Variants in ABCA4 observed in about 807,000 individuals in gnomAD.
ABCA4 encodes the protein ATP binding cassette subfamily A member 4.
Under a neutral mutation model 263.7 loss-of-function variants are expected in ABCA4, and 196 were observed. The ratio of observed to expected loss-of-function variants is 0.74; its 90% CI spans 0.66 to 0.84. The LOEUF is 0.84. ABCA4 is among the 40% of genes least tolerant of loss of function. The pLI, the probability that ABCA4 is intolerant of heterozygous loss-of-function variation, is 0.00. For missense variants in ABCA4, 2,792 were observed against 2,855.1 expected, an observed-to-expected ratio of 0.98 and a Z score of 0.50; for synonymous variants, 1,133 against 1,094.2, an observed-to-expected ratio of 1.04 and a Z score of -0.70.
intron 11 of ABCA4, among the ~76,000 whole-genome samples, chr1:94,074,784 TAGAACC>T (rs1203543831): frequency 6.6e-6 from 1 of 152,240 alleles, no homozygotes; most frequent in African/African-American, 2.4e-5. Context: ...CTCAAGGATC[TAGAACC>T]AGAAATACAA....
intron 1 of ABCA4, among the ~76,000 whole-genome samples, chr1:94,116,593 G>A (rs933611282): frequency 6.6e-6 from 1 of 152,074 alleles, no homozygotes; most frequent in African/African-American, 2.4e-5. Flanking sequence ...CATTTCACGC[G>A]TCACTCCCTG....
intron 31 of ABCA4, among the ~76,000 whole-genome samples, chr1:94,023,971 C>T (rs567031438): frequency 6.6e-5 from 10 of 152,332 alleles, no homozygotes; most frequent in East Asian, 1.9e-4. Flanking sequence ...TAAGCACACA[C>T]GCACAAAATC....
At position 94,008,864 on chromosome 1, in the gene ABCA4, C is replaced by T. The variant is rs543742946; in HGVS notation, c.5722G>A (p.Glu1908Lys). The T allele has an allele frequency of 9.3e-6, 15 of 1,612,576 alleles. No individual in the cohort carries two copies. The highest frequency in any genetic ancestry group is 3.3e-4 in the Middle Eastern group (2 of 6,084). The change falls in exon 41 of 50, where the codon GAG becomes AAG. Residue 1908 changes from glutamate to lysine, a missense_variant. Coordinates refer to ENST00000370225, the MANE Select transcript of ABCA4 (RefSeq NM_000350.3). Reference sequence around the variant, plus strand: ...TCAACAATGGGCTCCTTAGTGGGCTCGGCAATCCTAGATGAAGAAAAGGGG... The same window carrying T: ...TCAACAATGGGCTCCTTAGTGGGCTTGGCAATCCTAGATGAAGAAAAGGGG... ...RHFFLSQWIA[E>K]PTKEPIVDED...
At chr1:93,993,834 A>G (rs528993414) in intron 49 of ABCA4, among the ~76,000 whole-genome samples, 3 of 152,246 alleles carry the variant, frequency 2.0e-5, no homozygotes, top group African/African-American at 7.2e-5. Flanking sequence ...TACTGTCTCC[A>G]GTTATAAAGT....
chr1:94,005,464 C>T lies in ABCA4; in HGVS notation c.6124G>A (p.Val2042Ile), dbSNP rs138384263. Residue 2042 changes from valine (V) to isoleucine (I), a missense_variant, in exon 44 of 50, where the codon GTA (valine) becomes ATA (isoleucine). Val to Ile is a conservative substitution (Grantham distance 29). Coordinates refer to ENST00000370225, the MANE Select transcript of ABCA4 (RefSeq NM_000350.3). ...ACCTTTTCGATTTCTTCTGCTGGTA[C>T]ACCTCGAAGCCGGGCATAAAGGTAA... Reference protein sequence around the residue: ...HLYLYARLRGVPAEEIEKVAN... With the variant: ...HLYLYARLRGIPAEEIEKVAN... 80 of 1,614,178 alleles carry T rather than the reference C, an allele frequency of 5.0e-5. No individual in the cohort carries two copies. In the African/African-American group the frequency reaches 7.9e-4, roughly 16 times the overall value.
intron 11 of ABCA4, among the ~76,000 whole-genome samples, chr1:94,067,414 G>A (rs1487390830): frequency 4.6e-5 from 7 of 152,170 alleles, no homozygotes; most frequent in Non-Finnish European, 7.3e-5. Context: ...TCAGGCAGCT[G>A]ATTCATAGTC....
At chr1:94,085,761 T>TG (rs1661810584) in intron 6 of ABCA4, among the ~76,000 whole-genome samples, 2 of 152,204 alleles carry the variant, frequency 1.3e-5, no homozygotes, top group African/African-American at 4.8e-5. Context: ...GCTGCCACAG[T>TG]GGACTTCTTT....
At position 94,078,672 on chromosome 1, in the gene ABCA4, C is replaced by T. The variant is rs1218530733; in HGVS notation, c.1274G>A (p.Arg425Lys). The T allele has an allele frequency of 6.2e-7, 1 of 1,612,318 alleles. No homozygotes were observed. The highest frequency in any genetic ancestry group is 1.3e-5 in the African/African-American group (1 of 74,752). ...NSTFEELEHV[R>K]KLVKAWEEVG... is the part of the protein sequence containing the mutation. ...TTCTTCCCAGGCTTTGACCAACTTCCTAACGTGTTCCAGTTCTTCAAAAGT... is the reference window on the plus strand; with the variant it reads ...TTCTTCCCAGGCTTTGACCAACTTCTTAACGTGTTCCAGTTCTTCAAAAGT... The change falls in exon 10 of 50, where the codon AGG becomes AAG. Residue 425 changes from arginine to lysine, a missense_variant. By Grantham distance (26) the Arg-to-Lys change is conservative (BLOSUM62 2). Transcript: ENST00000370225.
At chr1:94,083,632 A>C (rs1411521789) in intron 6 of ABCA4, among the ~76,000 whole-genome samples, 191 bp from the exon 7 acceptor site, 1 of 152,232 alleles carries the variant, frequency 6.6e-6, no homozygotes, top group Non-Finnish European at 1.5e-5. Context: ...AAAGGCTCTC[A>C]TTCCAAGACT....
intron 30 of ABCA4, among the ~76,000 whole-genome samples, chr1:94,028,551 A>G (rs531713390): frequency 9.9e-5 from 15 of 152,224 alleles, no homozygotes; most frequent in Non-Finnish European, 1.9e-4. Context: ...ACATCATAGC[A>G]TTGCTTATAA....
intron 3 of ABCA4, among the ~76,000 whole-genome samples, chr1:94,110,059 C>T (rs1172867308): frequency 6.6e-6 from 1 of 152,184 alleles, no homozygotes; most frequent in Non-Finnish European, 1.5e-5. Context: ...CTCCCTGATC[C>T]CACCATGTGA....
chr1:94,046,959 C>T lies in ABCA4; in HGVS notation c.2878G>A (p.Ala960Thr), dbSNP rs772463435. The T allele has an allele frequency of 9.3e-6, 15 of 1,614,008 alleles. No homozygotes were observed. The highest frequency in any genetic ancestry group is 1.6e-4 in the Middle Eastern group (1 of 6,074). The change falls in exon 19 of 50, where the codon GCA becomes ACA. Residue 960 changes from alanine to threonine, a missense_variant. Ala to Thr is a moderately conservative substitution (Grantham distance 58, BLOSUM62 0). Coordinates refer to ENST00000370225, the MANE Select transcript of ABCA4 (RefSeq NM_000350.3). ...CCAGCTCCATTGTGGCCCAGGAATG[C>T]GGTGATCTGGTTCTCGTAGAAGGTG... The part of the protein sequence containing the change: ...NITFYENQIT[A>T]FLGHNGAGKT...
rs1270484571 is a variant in ABCA4, at chr1:94,055,142, T to A, written c.2556A>T (p.Leu852Phe). The change falls in exon 16 of 50, where the codon TTA becomes TTT. Residue 852 changes from leucine to phenylalanine, a missense_variant. Coordinates refer to ENST00000370225, the MANE Select transcript of ABCA4 (RefSeq NM_000350.3). Reference sequence around the variant, plus strand: ...ACACCTGATCAAGGTACCAAGCGAGTAAGCCATAGACAGCAGCATCAAGGA... The same window carrying A: ...ACACCTGATCAAGGTACCAAGCGAGAAAGCCATAGACAGCAGCATCAAGGA... ...MMLLDAAVYG[L>F]LAWYLDQVFP... 1.2e-6 allele frequency: 2 copies of A among 1,613,830 alleles called. No homozygotes were observed. The highest frequency in any genetic ancestry group is 1.7e-6 in the Non-Finnish European group (2 of 1,180,008).
intron 24 of ABCA4, 103 bp from the exon 25 acceptor site, chr1:94,037,453 G>T: frequency 9.4e-7 from 1 of 1,067,794 alleles, no homozygotes; most frequent in Non-Finnish European, 1.4e-6. Flanking sequence ...CTTTGAAGAA[G>T]AGGTATTTTG....
Position 94,041,229 on chromosome 1 carries a change from TC to T in ABCA4, c.3501del (p.Ser1168AlafsTer28), listed in dbSNP as rs1472949364. The T allele has an allele frequency of 6.2e-7, 1 of 1,614,130 alleles. No homozygotes were observed. Among genetic ancestry groups the T allele is most frequent in the African/African-American group, 1.3e-5 (1 of 75,014 alleles). Reference protein sequence around the residue: ...LTLVRKMKNIQSQRKGSEGTC... With the variant: ...LTLVRKMKNIXSQRKGSEGTC... ...CCTACCTCACTGCCTTTCCTTTGGC[TC>T]TGGATGTTTTTCATCTTGCGCACCA... On this transcript the variant is annotated frameshift_variant, in exon 23 of 50. Transcript: ENST00000370225. LOFTEE classifies it high-confidence loss of function.
chr1:94,077,892 G>A lies in ABCA4; in HGVS notation c.1357-5C>T. On this transcript the variant is annotated splice_polypyrimidine_tract_variant and splice_region_variant and intron_variant, in intron 10 of 49. Transcript: ENST00000370225. ...TGTTGGGTTCCCCAGGGTATCCTTG[G>A]GAAGAAGAAATACAGTCACTGCTCT... 6.2e-7 allele frequency: 1 copy of A among 1,613,328 alleles called. No homozygotes were observed. The highest frequency in any genetic ancestry group is 8.5e-7 in the Non-Finnish European group (1 of 1,179,340).
intron 49 of ABCA4, among the ~76,000 whole-genome samples, chr1:93,994,578 A>G (rs1268983134): frequency 1.3e-5 from 2 of 152,238 alleles, no homozygotes; most frequent in African/African-American, 4.8e-5. Context: ...ACAATAATAT[A>G]CTTACTATTA....
Position 94,048,957 on chromosome 1 carries a change from C to G in ABCA4, c.2654G>C (p.Gly885Ala). 1 of 1,613,882 alleles carries G rather than the reference C, an allele frequency of 6.2e-7. No homozygotes were observed. The highest frequency in any genetic ancestry group is 8.5e-7 in the Non-Finnish European group (1 of 1,179,936). The change falls in exon 18 of 50, where the codon GGG becomes GCG. Residue 885 changes from glycine to alanine, a missense_variant and splice_region_variant. Coordinates refer to ENST00000370225, the MANE Select transcript of ABCA4 (RefSeq NM_000350.3). ...LQESYWLGGE[G>A]CSTREERALE... Reference sequence around the variant, plus strand: ...GGCTCTTTCTTCTCTGGTTGAACACCCTGCACCAATCAGAAGCCAGTGTTA... The same window carrying G: ...GGCTCTTTCTTCTCTGGTTGAACACGCTGCACCAATCAGAAGCCAGTGTTA...
intron 36 of ABCA4, 38 bp from the exon 37 acceptor site, chr1:94,015,892 T>A: frequency 1.3e-6 from 2 of 1,554,352 alleles, no homozygotes; most frequent in Non-Finnish European, 1.8e-6. Flanking sequence ...ACTTAACCTC[T>A]CAGACCTGCT....
Sources: gnomAD v4.1 joint callset for allele counts (sites outside exome capture counted in the v4.1 genomes callset) on GRCh38, gnomAD v4.1.1 for gene constraint, MANE v1.5 for transcripts, NCBI Gene and HGNC (gene_info 2026-07-23, HGNC 2026-07-21) for gene names.